The following GLI2 variants were observed in gnomAD, a reference collection of about 807,000 sequenced individuals.
GLI2 encodes the protein transcription activator GLI2.
In GLI2, 22 loss-of-function variants were observed where a neutral mutation model predicts 78.9. The ratio of observed to expected loss-of-function variants is 0.28; its 90% CI spans 0.20 to 0.40. GLI2 has a LOEUF of 0.40. Among genes scored for constraint, GLI2 ranks in the 10% least tolerant of loss-of-function variants. GLI2 has a pLI of 1.00. For synonymous variants in GLI2, 974 were observed against 963.7 expected (o/e 1.01, Z -0.20); for missense variants, 2,097 against 2,213.2 (o/e 0.95, Z 1.05).
chr2:120,923,999 G>C (rs1679535451), intron 2 of GLI2, among the ~76,000 whole-genome samples: 1 of 152,198 alleles, frequency 6.6e-6, no homozygotes, highest in Non-Finnish European at 1.5e-5. Context: ...GAAGTTGCCT[G>C]AATCCTGAAT....
chr2:120,818,430 G>C (rs1477901015), intron 2 of GLI2, among the ~76,000 whole-genome samples: 1 of 152,270 alleles, frequency 6.6e-6, no homozygotes, highest in East Asian at 1.9e-4. Flanking sequence ...GCTGGGCCTA[G>C]TCTGGGTGCA....
At position 120,969,011 on chromosome 2, in the gene GLI2, G is replaced by A. The variant is rs138042210; in HGVS notation, c.845+96G>A. Reference sequence around the variant, plus strand: ...TTTTCAGTGGGCGCTTTTGACCCGAGGAGAAAGACAGGACCTGTGGCATTT... The same window carrying A: ...TTTTCAGTGGGCGCTTTTGACCCGAAGAGAAAGACAGGACCTGTGGCATTT... On this transcript the variant is annotated intron_variant, in intron 6 of 13. Coordinates refer to ENST00000361492, the MANE Select transcript of GLI2 (RefSeq NM_001374353.1). 2.1e-3 allele frequency: 1,852 copies of A among 870,102 alleles called. 6 individuals carry two copies. Among genetic ancestry groups the A allele is most frequent in the Non-Finnish European group, 3.2e-3 (1,730 of 535,414 alleles). 53.9% of individuals were successfully genotyped at this position (870,102 alleles called of 1,614,324 possible). A position where few individuals can be genotyped will look rare whatever the true frequency, so the allele number is the denominator to read the frequency against.
intron 1 of GLI2, among the ~76,000 whole-genome samples, chr2:120,793,465 A>T (rs1477980844): frequency 6.6e-6 from 1 of 152,210 alleles, no homozygotes; most frequent in East Asian, 1.9e-4. Context: ...CTTTGGCTGC[A>T]GGGCTTGACG....
Position 120,955,265 on chromosome 2 carries a change from G to A in GLI2, c.478G>A (p.Glu160Lys), listed in dbSNP as rs1265447957. 1.9e-6 allele frequency: 3 copies of A among 1,610,086 alleles called. No individual in the cohort carries two copies. The highest frequency in any genetic ancestry group is 2.2e-5 in the South Asian group (2 of 90,972). ...CACAGTGGCCCAGGAGCACCTTAAGGAGAGGGGACTGTTTGGCCTTCCTGC... is the reference window on the plus strand; with the variant it reads ...CACAGTGGCCCAGGAGCACCTTAAGAAGAGGGGACTGTTTGGCCTTCCTGC... ...PADVAQEHLK[E>K]RGLFGLPAPG... Residue 160 changes from glutamate (E) to lysine (K), a missense_variant, in exon 5 of 14, where the codon GAG becomes AAG. Coordinates refer to ENST00000361492, the MANE Select transcript of GLI2 (RefSeq NM_001374353.1).
chr2:120,752,017 G>C (rs1682886666), intron 1 of GLI2, among the ~76,000 whole-genome samples: 1 of 152,192 alleles, frequency 6.6e-6, no homozygotes, highest in African/African-American at 2.4e-5. Context: ...ATAGTGTTGA[G>C]TGAGCACGAC....
chr2:120,956,956 C>G lies in GLI2; in HGVS notation c.643+1526C>G, dbSNP rs1681297607. ...CTCCTCCAGGAAGTCTCTCTGGAAG[C>G]CTCCTCCTTCCCTTTCCCCTGCCCC... On this transcript the variant is annotated intron_variant, in intron 5 of 13. Transcript: ENST00000361492. 2.0e-5 allele frequency among the ~76,000 whole-genome samples: 3 copies of G among 152,266 alleles called. 1 individual carries two copies. The South Asian group carries it at 6.2e-4, about 32-fold the overall frequency.
At chr2:120,874,657 C>G (rs553631857) in intron 2 of GLI2, among the ~76,000 whole-genome samples, 21 of 152,334 alleles carry the variant, frequency 1.4e-4, no homozygotes, top group South Asian at 6.2e-4. Flanking sequence ...TTTCTCGGGG[C>G]TGAAATATAG....
In GLI2 at chr2:120,984,727, A is replaced by T; in HGVS notation, c.1889A>T (p.Lys630Met). The T allele has an allele frequency of 6.2e-7, 1 of 1,612,918 alleles. No individual in the cohort carries two copies. The highest frequency in any genetic ancestry group is 1.7e-5 in the Admixed American group (1 of 60,004). ...VEDCLHVRAI[K>M]TESSGLCQSS... ...GACTGCCTGCACGTCAGAGCCATCA[A>T]GACCGAGAGCTCCGGGGTAAGCGGA... The change falls in exon 12 of 14, where the codon AAG becomes ATG. Residue 630 changes from lysine (K) to methionine (M), a missense_variant. Transcript: ENST00000361492.
intron 2 of GLI2, among the ~76,000 whole-genome samples, chr2:120,920,531 A>C (rs13387782): frequency 1.3e-5 from 2 of 152,152 alleles, no homozygotes; most frequent in Non-Finnish European, 2.9e-5. Context: ...CAAGAAGACC[A>C]TTACACCCAG....
chr2:120,924,431 T>G (rs1041010309), intron 2 of GLI2, among the ~76,000 whole-genome samples: 7 of 152,132 alleles, frequency 4.6e-5, no homozygotes, highest in Admixed American at 1.3e-4. Context: ...TCCTGTGACT[T>G]TGGGCAAGGC....
At chr2:120,871,914 A>C (rs1688482054) in intron 2 of GLI2, among the ~76,000 whole-genome samples, 1 of 152,196 alleles carries the variant, frequency 6.6e-6, no homozygotes, top group South Asian at 2.1e-4. Context: ...CAAGCCTACC[A>C]GTTCAGAAAT....
intron 5 of GLI2, among the ~76,000 whole-genome samples, chr2:120,956,312 A>G (rs1423631701): frequency 2.0e-5 from 3 of 152,070 alleles, no homozygotes; most frequent in African/African-American, 7.2e-5. Context: ...CTGGGAGGCT[A>G]TAGGTGGGGC....
At chr2:120,864,295 C>G (rs149632657) in intron 2 of GLI2, among the ~76,000 whole-genome samples, 1 of 152,230 alleles carries the variant, frequency 6.6e-6, no homozygotes, top group Non-Finnish European at 1.5e-5. Flanking sequence ...CTGGCTGTGT[C>G]CGTTTCCCAC....
At chr2:120,747,916 A>T (rs953345203) in intron 1 of GLI2, among the ~76,000 whole-genome samples, 1 of 152,166 alleles carries the variant, frequency 6.6e-6, no homozygotes, top group African/African-American at 2.4e-5. Flanking sequence ...CATCAAGAGG[A>T]ATTCCTTGTG....
chr2:120,820,107 CTG>C (rs1433937417), intron 2 of GLI2, among the ~76,000 whole-genome samples: 2 of 152,160 alleles, frequency 1.3e-5, no homozygotes, highest in Non-Finnish European at 2.9e-5. Flanking sequence ...CTTAGAAAGA[CTG>C]AGGCTGATGA....
chr2:120,789,376 G>T (rs763415518), intron 1 of GLI2, among the ~76,000 whole-genome samples: 1 of 151,932 alleles, frequency 6.6e-6, no homozygotes. Flanking sequence ...GCCTTAGAGT[G>T]TGCCAAGGGC....
intron 10 of GLI2, among the ~76,000 whole-genome samples, chr2:120,980,429 C>T (rs921716365): frequency 2.6e-5 from 4 of 152,168 alleles, no homozygotes; most frequent in African/African-American, 4.8e-5. Flanking sequence ...TGGCCATTTG[C>T]GTATCTTCTC....
chr2:120,846,400 C>T (rs568633726), intron 2 of GLI2, among the ~76,000 whole-genome samples: 2 of 152,308 alleles, frequency 1.3e-5, no homozygotes, highest in African/African-American at 4.8e-5. Context: ...CTGGGAGGTG[C>T]CCAGGTATCT....
chr2:120,754,610 A>G (rs917409522), intron 1 of GLI2, among the ~76,000 whole-genome samples: 3 of 152,120 alleles, frequency 2.0e-5, no homozygotes, highest in Non-Finnish European at 4.4e-5. Context: ...ATTCATTTTT[A>G]TTGCTGAGTA....
Sources: gnomAD v4.1 joint callset for allele counts (sites outside exome capture counted in the v4.1 genomes callset) on GRCh38, gnomAD v4.1.1 for gene constraint, MANE v1.5 for transcripts, NCBI Gene and HGNC (gene_info 2026-07-23, HGNC 2026-07-21) for gene names.